VWC2: variants seen among roughly 807,000 people sequenced by gnomAD.
The protein encoded by VWC2 is brorin.
VWC2 carries 14 observed loss-of-function variants against 29.8 expected under a neutral mutation model. The observed-to-expected ratio is 0.47, with a 90% CI of 0.31 to 0.74. The LOEUF (loss-of-function observed/expected upper bound fraction) is 0.74, where lower values mean the gene tolerates loss of function less well. Ranked by LOEUF, VWC2 falls within the 30% of genes least tolerant of loss-of-function variation. The pLI is 0.05. For missense variants in VWC2, 457 were observed against 459.8 expected (o/e 0.99, Z 0.05); for synonymous variants, 213 against 199.0 (o/e 1.07, Z -0.59).
At chr7:49,780,561 G>A (rs141949306) in intron 2 of VWC2, among the ~76,000 whole-genome samples, 2 of 152,292 alleles carry the variant, frequency 1.3e-5, no homozygotes, top group East Asian at 3.9e-4. Context: ...TGGAATTTTT[G>A]TGACTCTGAA....
Position 49,775,441 on chromosome 7 carries a change from C to T in VWC2, c.6C>T (p.Pro2=), listed in dbSNP as rs145354319. 309 of 1,434,182 alleles carry T rather than the reference C, an allele frequency of 2.2e-4. 1 individual carries two copies. The highest frequency in any genetic ancestry group is 2.6e-4 in the Non-Finnish European group (284 of 1,096,644). 88.8% of individuals were successfully genotyped at this position (1,434,182 alleles called of 1,614,324 possible). A position where few individuals can be genotyped will look rare whatever the true frequency, so the allele number is the denominator to read the frequency against. The change falls in exon 2 of 4, where the codon CCC becomes CCT. Residue 2 remains proline, a synonymous_variant. Transcript: ENST00000340652. M[P]SSTAMAVGAL... ...CCGCCGGGACGTGGTAGGGGATGCC[C>T]AGCTCCACTGCGATGGCAGTTGGCG...
chr7:49,904,347 A>C (rs1792962500), intron 3 of VWC2, among the ~76,000 whole-genome samples: 1 of 152,230 alleles, frequency 6.6e-6, no homozygotes, highest in African/African-American at 2.4e-5. Flanking sequence ...TGGGAAAAAA[A>C]CTGAGTGAAG....
At chr7:49,818,295 A>T (rs763545607) in intron 3 of VWC2, among the ~76,000 whole-genome samples, 1 of 152,218 alleles carries the variant, frequency 6.6e-6, no homozygotes, top group Non-Finnish European at 1.5e-5. Context: ...AACACTAAAA[A>T]TCTATTATTC....
intron 3 of VWC2, among the ~76,000 whole-genome samples, chr7:49,898,360 T>G (rs1424322464): frequency 2.0e-5 from 3 of 152,098 alleles, no homozygotes; most frequent in African/African-American, 7.2e-5. Flanking sequence ...ATGATGTTAC[T>G]TCTTTCTTTA....
chr7:49,804,461 G>C (rs142394495), intron 3 of VWC2, among the ~76,000 whole-genome samples: 50 of 152,286 alleles, frequency 3.3e-4, no homozygotes, highest in African/African-American at 1.2e-3. Context: ...CTCTCACTGC[G>C]TCAAGGGGTT....
At chr7:49,900,470 A>G (rs1385345216) in intron 3 of VWC2, among the ~76,000 whole-genome samples, 2 of 151,774 alleles carry the variant, frequency 1.3e-5, no homozygotes, top group Non-Finnish European at 3.0e-5. Flanking sequence ...AACAAAAGAG[A>G]GGACATCATT....
At chr7:49,911,368 G>T (rs1793414055) in intron 3 of VWC2, among the ~76,000 whole-genome samples, 1 of 150,568 alleles carries the variant, frequency 6.6e-6, no homozygotes, top group Non-Finnish European at 1.5e-5. Flanking sequence ...TATAGTCCCA[G>T]CTACTCTGGA....
intron 3 of VWC2, among the ~76,000 whole-genome samples, chr7:49,852,029 A>AT (rs1237993943): frequency 6.6e-6 from 1 of 152,128 alleles, no homozygotes; most frequent in Non-Finnish European, 1.5e-5. Flanking sequence ...TAGGGTCCGG[A>AT]TTTAATCCGG....
intron 3 of VWC2, among the ~76,000 whole-genome samples, chr7:49,835,564 G>A (rs1261752434): frequency 6.6e-6 from 1 of 152,186 alleles, no homozygotes; most frequent in Non-Finnish European, 1.5e-5. Context: ...AGACCAAGGT[G>A]GCTGAGGTTT....
At chr7:49,794,666 C>G (rs1166221133) in intron 2 of VWC2, among the ~76,000 whole-genome samples, 2 of 152,176 alleles carry the variant, frequency 1.3e-5, no homozygotes, top group Non-Finnish European at 2.9e-5. Flanking sequence ...CACCTCATTC[C>G]ACATTCCCTG....
At chr7:49,812,258 A>C (rs1789030771) in intron 3 of VWC2, among the ~76,000 whole-genome samples, 1 of 152,242 alleles carries the variant, frequency 6.6e-6, no homozygotes, top group Non-Finnish European at 1.5e-5. Context: ...AAATTCACTA[A>C]AATTCATTAA....
At chr7:49,860,098 T>G (rs1415969966) in intron 3 of VWC2, among the ~76,000 whole-genome samples, 1 of 152,178 alleles carries the variant, frequency 6.6e-6, no homozygotes, top group Admixed American at 6.5e-5. Flanking sequence ...TTTTTAATTG[T>G]GGCAAAAAAA....
intron 3 of VWC2, among the ~76,000 whole-genome samples, chr7:49,836,219 A>T (rs1448324374): frequency 1.3e-5 from 2 of 152,104 alleles, no homozygotes; most frequent in Non-Finnish European, 2.9e-5. Flanking sequence ...ACCAAACTGA[A>T]TTTTTTTCTA....
intron 3 of VWC2, among the ~76,000 whole-genome samples, chr7:49,823,463 T>C (rs1789312355): frequency 6.6e-6 from 1 of 152,212 alleles, no homozygotes; most frequent in South Asian, 2.1e-4. Context: ...AAGGAAAATA[T>C]AATCTTCTGT....
At chr7:49,798,245 C>T (rs2128705104) in intron 2 of VWC2, among the ~76,000 whole-genome samples, 1 of 152,296 alleles carries the variant, frequency 6.6e-6, no homozygotes, top group South Asian at 2.1e-4. Flanking sequence ...GGTATCTGAC[C>T]AGGTCAAGGG....
At chr7:49,890,635 T>C (rs2128730312) in intron 3 of VWC2, among the ~76,000 whole-genome samples, 1 of 152,236 alleles carries the variant, frequency 6.6e-6, no homozygotes, top group African/African-American at 2.4e-5. Context: ...AAAGCTACTT[T>C]TAGCCATGAT....
At chr7:49,873,662 A>T (rs551038377) in intron 3 of VWC2, among the ~76,000 whole-genome samples, 1 of 152,320 alleles carries the variant, frequency 6.6e-6, no homozygotes, top group East Asian at 1.9e-4. Context: ...ATTATGCAGT[A>T]ATCATGAATT....
chr7:49,876,110 A>C (rs955852608), intron 3 of VWC2, among the ~76,000 whole-genome samples: 9 of 152,162 alleles, frequency 5.9e-5, no homozygotes, highest in Admixed American at 5.2e-4. Flanking sequence ...GCTAATCCTA[A>C]AGAAAGGATC....
At chr7:49,904,715 A>G (rs1792986339) in intron 3 of VWC2, among the ~76,000 whole-genome samples, 1 of 150,966 alleles carries the variant, frequency 6.6e-6, no homozygotes, top group South Asian at 2.1e-4. Flanking sequence ...GCAGGAAAAA[A>G]TAGCAACATA....
Sources: allele counts gnomAD v4.1 joint callset (sites outside exome capture counted in the v4.1 genomes callset), GRCh38; gene constraint gnomAD v4.1.1; transcripts MANE v1.5; gene names NCBI Gene and HGNC (gene_info 2026-07-23, HGNC 2026-07-21).